Variants in OTULIN observed in about 807,000 individuals in gnomAD.
The protein encoded by OTULIN is ubiquitin thioesterase otulin.
A neutral mutation model predicts 39.6 loss-of-function variants in OTULIN; 15 were observed. The observed-to-expected ratio is 0.38, with a 90% CI of 0.25 to 0.58. The LOEUF (loss-of-function observed/expected upper bound fraction) is 0.58. Ranked by LOEUF, OTULIN falls within the 20% of genes least tolerant of loss-of-function variation. The pLI, the probability that OTULIN is intolerant of heterozygous loss-of-function variation, is 0.66. For synonymous variants in OTULIN, 156 were observed against 170.3 expected (o/e 0.92, Z 0.65); for missense variants, 319 against 445.9 (o/e 0.72, Z 2.56).
chr5:14,674,283 C>G (rs1436119487), intron 2 of OTULIN: 1 of 152,784 alleles, frequency 6.5e-6, no homozygotes, highest in African/African-American at 2.4e-5. Flanking sequence ...TCCGTGGAGA[C>G]TTGGCTGGCA....
intron 4 of OTULIN, among the ~76,000 whole-genome samples, chr5:14,684,136 T>C (rs1736326982): frequency 6.6e-6 from 1 of 152,252 alleles, no homozygotes. Flanking sequence ...AGTTGGTCAC[T>C]TGGTTTGGTT....
rs573030948 is a variant in OTULIN, at chr5:14,693,563, G to C, written c.*515G>C. 6.6e-6 allele frequency: 1 copy of C among 152,574 alleles called. No individual in the cohort carries two copies. The highest frequency in any genetic ancestry group is 2.4e-5 in the African/African-American group (1 of 41,576). 9.5% of individuals were successfully genotyped at this position (152,574 alleles called of 1,614,324 possible). Reference sequence around the variant, plus strand: ...GGGGGCTTCTAACAGTCTGCTTTAAGTGGTATAATTCTGGGATAGATCTGT... The same window carrying C: ...GGGGGCTTCTAACAGTCTGCTTTAACTGGTATAATTCTGGGATAGATCTGT... On this transcript the variant is annotated 3_prime_UTR_variant, in exon 7 of 7. Transcript: ENST00000284274.
chr5:14,711,004 T>G, the OTULIN span: 1 of 623,068 alleles, frequency 1.6e-6, no homozygotes, highest in Non-Finnish European at 2.9e-6. Context: ...TAAAGACCAT[T>G]CACTAGGTCC....
At chr5:14,667,155 A>G (rs1454380139) in intron 1 of OTULIN, among the ~76,000 whole-genome samples, 1 of 152,240 alleles carries the variant, frequency 6.6e-6, no homozygotes, top group African/African-American at 2.4e-5. Context: ...TAATACATTC[A>G]GTGGACAGTA....
the OTULIN span, among the ~76,000 whole-genome samples, chr5:14,714,215 T>C: frequency 6.6e-6 from 1 of 152,184 alleles, no homozygotes; most frequent in Non-Finnish European, 1.5e-5. Flanking sequence ...CTTCCCTTTC[T>C]CCCTCCTAAT....
downstream of OTULIN, among the ~76,000 whole-genome samples, chr5:14,699,897 C>T (rs1290639773): frequency 6.6e-6 from 1 of 152,154 alleles, no homozygotes; most frequent in African/African-American, 2.4e-5. Flanking sequence ...TGACATTAAA[C>T]TCTCCCTAGT....
At chr5:14,702,483 G>A (rs1736816134), downstream of OTULIN, among the ~76,000 whole-genome samples, 1 of 152,212 alleles carries the variant, frequency 6.6e-6, no homozygotes. Flanking sequence ...AATTGGGCCT[G>A]CCAGCCATTT....
In OTULIN at chr5:14,698,534, C is replaced by G. The variant is rs964229292; in HGVS notation, c.*5486C>G. ...CTGACTTGGGGGCTTTGCTGTTGAT[C>G]CACTTTAGCAAACCCTGCTGCAGAG... is the stretch of plus-strand genomic sequence containing the variant. On this transcript the variant is annotated 3_prime_UTR_variant, in exon 7 of 7. Transcript: ENST00000284274. 4.8e-4 allele frequency: 73 copies of G among 152,150 alleles called. No individual in the cohort carries two copies. Among genetic ancestry groups the G allele is most frequent in the African/African-American group, 1.7e-3 (71 of 41,422 alleles). The allele number at this position is 152,150 out of a possible 1,614,324, so 9.4% of individuals were successfully genotyped here.
intron 5 of OTULIN, 62 bp from the exon 6 acceptor site, chr5:14,689,977 G>A: frequency 6.6e-7 from 1 of 1,517,496 alleles, no homozygotes; most frequent in Non-Finnish European, 8.9e-7. Flanking sequence ...CTCATAGTAT[G>A]GTACTATACC....
At chr5:14,713,653 G>A in the OTULIN span, 6 of 1,614,084 alleles carry the variant, frequency 3.7e-6, no homozygotes. This position sits in a 1 kb window ranked among gnomAD's most constrained non-coding sequence, Gnocchi z 4.4. Flanking sequence ...CCGGTGAGAT[G>A]CGCCCTCACT....
intron 2 of OTULIN, 28 bp from the exon 3 acceptor site, chr5:14,678,653 C>CTT (rs562824991): frequency 1.5e-4 from 169 of 1,119,458 alleles, no homozygotes; most frequent in Middle Eastern, 2.2e-4. Context: ...TTATTATTTG[C>CTT]TTTTTTTTTT....
At chr5:14,714,196 C>T in the OTULIN span, among the ~76,000 whole-genome samples, 1 of 152,246 alleles carries the variant, frequency 6.6e-6, no homozygotes, top group Non-Finnish European at 1.5e-5. Flanking sequence ...ACCACTTCCA[C>T]CGAGGTCACT....
chr5:14,672,940 T>A (rs1736014808), intron 1 of OTULIN, among the ~76,000 whole-genome samples: 1 of 152,228 alleles, frequency 6.6e-6, no homozygotes, highest in Admixed American at 6.5e-5. Flanking sequence ...GTCCCATTCT[T>A]CATCTTTGTC....
At chr5:14,685,758 G>A (rs1736372029) in intron 4 of OTULIN, among the ~76,000 whole-genome samples, 1 of 150,546 alleles carries the variant, frequency 6.6e-6, no homozygotes. Context: ...TGCTCAGCCG[G>A]TCTTCTGGGC....
rs777032858 is a variant in OTULIN at position 14,681,426 on chromosome 5, G to A, written c.325-38G>A. On this transcript the variant is annotated intron_variant, in intron 3 of 6. Transcript: ENST00000284274. ...AAACTTTCTCTGCTATCTCAAGTCA[G>A]TAACGACCATTTTGAATTCTTTCAT... The A allele has an allele frequency of 8.3e-6, 13 of 1,570,972 alleles. No homozygotes were observed. The Admixed American group carries it at 2.4e-4, about 29-fold the overall frequency.
the OTULIN span, chr5:14,710,330 T>C: frequency 6.6e-6 from 1 of 152,220 alleles, no homozygotes; most frequent in East Asian, 1.9e-4. Context: ...TAATGCGACC[T>C]TCAGGAAAGG....
At chr5:14,673,168 C>T (rs1736019964) in intron 1 of OTULIN, among the ~76,000 whole-genome samples, 1 of 152,120 alleles carries the variant, frequency 6.6e-6, no homozygotes, top group South Asian at 2.1e-4. Flanking sequence ...AACTGATGGT[C>T]TCTTCTTGTT....
In OTULIN at chr5:14,691,002, C is replaced by T. The variant is rs191072909; in HGVS notation, c.864+694C>T. The stretch of plus-strand genomic sequence containing the variant: ...TGCATTAAAAAGAGAAATGGAGTCA[C>T]CTTAGCCAGTAGAGTTCAGCCTGCT... On this transcript the variant is annotated intron_variant, in intron 6 of 6. Transcript: ENST00000284274. Among the ~76,000 whole-genome samples, 186 of 152,298 alleles carry T rather than the reference C, an allele frequency of 1.2e-3. 1 individual carries two copies. The highest frequency in any genetic ancestry group is 4.4e-3 in the African/African-American group (181 of 41,550).
chr5:14,688,333 G>A (rs1172502807), intron 5 of OTULIN, among the ~76,000 whole-genome samples: 1 of 152,142 alleles, frequency 6.6e-6, no homozygotes, highest in African/African-American at 2.4e-5. Flanking sequence ...GCGCCAGGGT[G>A]TCGGTGGAGG....
Sources: gnomAD v4.1 joint callset for allele counts (sites outside exome capture counted in the v4.1 genomes callset) on GRCh38, gnomAD v4.1.1 for gene constraint, Gnocchi (gnomAD v3.1) non-coding constraint, MANE v1.5 for transcripts, NCBI Gene and HGNC (gene_info 2026-07-23, HGNC 2026-07-21) for gene names.